ROBO2: variants seen among roughly 807,000 people sequenced by gnomAD.
ROBO2 encodes the protein roundabout guidance receptor 2.
In ROBO2, 53 loss-of-function variants were observed where a neutral mutation model predicts 160.8. The observed-to-expected ratio is 0.33, with a 90% CI of 0.26 to 0.41. The LOEUF is 0.41. Ranked by LOEUF, ROBO2 falls within the 10% of genes least tolerant of loss-of-function variation. The pLI, the probability that ROBO2 is intolerant of heterozygous loss-of-function variation, is 1.00. For synonymous variants in ROBO2, 664 were observed against 611.7 expected, an observed-to-expected ratio of 1.09 and a Z score of -1.26; for missense variants, 1,577 against 1,722.4, an observed-to-expected ratio of 0.92 and a Z score of 1.49.
chr3:75,981,835 C>G (rs1288722895), intron 2 of ROBO2, among the ~76,000 whole-genome samples: 1 of 151,290 alleles, frequency 6.6e-6, no homozygotes, highest in Non-Finnish European at 1.5e-5. Context: ...TATAGTCACC[C>G]TATTGTGCTA....
At chr3:77,374,276 T>C (rs1289294422) in intron 2 of ROBO2, among the ~76,000 whole-genome samples, 2 of 151,602 alleles carry the variant, frequency 1.3e-5, no homozygotes, top group African/African-American at 2.4e-5. Flanking sequence ...CTTAGTTTTT[T>C]TGGTGTTTTC....
intron 23 of ROBO2, chr3:77,634,140 C>T (rs555739191): frequency 2.0e-5 from 3 of 152,128 alleles, no homozygotes; most frequent in African/African-American, 7.2e-5. Context: ...TCCCCGTATA[C>T]CTACTCTAAA....
At chr3:76,546,744 A>T (rs1424120862) in intron 2 of ROBO2, among the ~76,000 whole-genome samples, 1 of 151,936 alleles carries the variant, frequency 6.6e-6, no homozygotes, top group Non-Finnish European at 1.5e-5. Flanking sequence ...TCAGTGTTTG[A>T]CAGTAAATTA....
At chr3:77,298,728 TTC>T (rs1242958635) in intron 2 of ROBO2, among the ~76,000 whole-genome samples, 2 of 152,208 alleles carry the variant, frequency 1.3e-5, no homozygotes, top group Non-Finnish European at 2.9e-5. Flanking sequence ...GTTTAAATTA[TTC>T]TCTGTTACAG....
intron 2 of ROBO2, among the ~76,000 whole-genome samples, chr3:76,260,366 GAAGTC>G (rs1220345839): frequency 6.6e-6 from 1 of 152,036 alleles, no homozygotes; most frequent in African/African-American, 2.4e-5. Context: ...TCATATTCTA[GAAGTC>G]AAAGGAGAAA....
intron 2 of ROBO2, among the ~76,000 whole-genome samples, chr3:76,561,288 C>T (rs905977765): frequency 4.6e-5 from 7 of 151,922 alleles, no homozygotes; most frequent in Non-Finnish European, 8.8e-5. Context: ...AAAGAGAGGA[C>T]GAGAGGAGGA....
chr3:77,202,170 C>T (rs191628183), intron 2 of ROBO2, among the ~76,000 whole-genome samples: 128 of 152,148 alleles, frequency 8.4e-4, no homozygotes, highest in African/African-American at 3.0e-3. Flanking sequence ...GGAAGCCATC[C>T]AACTGTGAAA....
At chr3:77,495,661 G>A (rs890037302) in intron 5 of ROBO2, among the ~76,000 whole-genome samples, 1 of 152,124 alleles carries the variant, frequency 6.6e-6, no homozygotes, top group East Asian at 1.9e-4. Context: ...GGATTAGCCG[G>A]ATTAGACTGC....
intron 2 of ROBO2, among the ~76,000 whole-genome samples, chr3:76,822,363 C>G (rs923165193): frequency 6.6e-6 from 1 of 151,784 alleles, no homozygotes; most frequent in Non-Finnish European, 1.5e-5. Context: ...CAAATTATTC[C>G]ATAAATATAG....
intron 2 of ROBO2, among the ~76,000 whole-genome samples, chr3:75,962,344 T>C (rs933975054): frequency 1.3e-5 from 2 of 151,810 alleles, no homozygotes; most frequent in African/African-American, 4.8e-5. Flanking sequence ...ATAGGATTTA[T>C]ATGTAAAGGG....
chr3:76,714,811 G>A (rs1031761121), intron 2 of ROBO2, among the ~76,000 whole-genome samples: 9 of 152,096 alleles, frequency 5.9e-5, no homozygotes, highest in Admixed American at 1.3e-4. Flanking sequence ...ATCAGTATCC[G>A]ATGTGAAATA....
At chr3:76,525,940 A>T (rs1189411144) in intron 2 of ROBO2, among the ~76,000 whole-genome samples, 3 of 151,984 alleles carry the variant, frequency 2.0e-5, no homozygotes, top group African/African-American at 7.2e-5. Flanking sequence ...GCCATTAGTT[A>T]TGGCACCCTT....
intron 2 of ROBO2, among the ~76,000 whole-genome samples, chr3:76,296,136 A>G (rs1307415562): frequency 3.9e-5 from 6 of 152,194 alleles, no homozygotes; most frequent in Non-Finnish European, 5.9e-5. Flanking sequence ...TGTAAGTGAC[A>G]TATGGAGAAT....
At chr3:76,698,157 C>T (rs982229872) in intron 2 of ROBO2, among the ~76,000 whole-genome samples, 2 of 152,092 alleles carry the variant, frequency 1.3e-5, no homozygotes, top group Non-Finnish European at 2.9e-5. Context: ...ACTATGTTAG[C>T]TTGTTGTTTG....
chr3:77,468,965 A>T (rs1181931290), intron 2 of ROBO2, among the ~76,000 whole-genome samples: 1 of 152,074 alleles, frequency 6.6e-6, no homozygotes, highest in Non-Finnish European at 1.5e-5. Flanking sequence ...AGAAGAAACC[A>T]CTTATGACTT....
At chr3:77,508,545 G>T (rs2088911298) in intron 5 of ROBO2, among the ~76,000 whole-genome samples, 1 of 151,030 alleles carries the variant, frequency 6.6e-6, no homozygotes, top group Non-Finnish European at 1.5e-5. Flanking sequence ...GACTGTAGTT[G>T]ATATTAAAGT....
At chr3:75,938,965 A>G (rs1576221560) in intron 2 of ROBO2, among the ~76,000 whole-genome samples, 1 of 152,198 alleles carries the variant, frequency 6.6e-6, no homozygotes, top group African/African-American at 2.4e-5. Flanking sequence ...GTCTAAAACA[A>G]GAATATGTAG....
intron 2 of ROBO2, among the ~76,000 whole-genome samples, chr3:76,796,107 C>T (rs777208474): frequency 6.6e-6 from 1 of 151,918 alleles, no homozygotes; most frequent in Admixed American, 6.6e-5. Context: ...TTCTCAAGAG[C>T]CCTAGGATTT....
chr3:77,351,339 A>G (rs891061754), intron 2 of ROBO2, among the ~76,000 whole-genome samples: 12 of 152,200 alleles, frequency 7.9e-5, no homozygotes, highest in African/African-American at 2.9e-4. Flanking sequence ...CCTCTTTAAC[A>G]TCAAGATATC....
Sources: allele counts gnomAD v4.1 joint callset (sites outside exome capture counted in the v4.1 genomes callset), GRCh38; gene constraint gnomAD v4.1.1; transcripts MANE v1.5; gene names NCBI Gene and HGNC (gene_info 2026-07-23, HGNC 2026-07-21).